The following NECTIN3 variants were observed in gnomAD, a reference collection of about 807,000 sequenced individuals.
The protein encoded by NECTIN3 is nectin-3.
Under a neutral mutation model 49.4 loss-of-function variants are expected in NECTIN3, and 8 were observed. The observed-to-expected ratio is 0.16, with a 90% CI of 0.10 to 0.29. The LOEUF is 0.29. Among genes scored for constraint, NECTIN3 ranks in the 10% least tolerant of loss-of-function variants. The pLI is 1.00. For synonymous variants in NECTIN3, 277 were observed against 241.1 expected (o/e 1.15, Z -1.38); for missense variants, 581 against 654.6 (o/e 0.89, Z 1.23).
intron 7 of NECTIN3, among the ~76,000 whole-genome samples, chr3:111,180,581 TATTA>T (rs915632542): frequency 1.3e-5 from 2 of 152,200 alleles, no homozygotes; most frequent in African/African-American, 2.4e-5. Context: ...AATAATATTA[TATTA>T]ATTCTTTTAG....
intron 7 of NECTIN3, among the ~76,000 whole-genome samples, chr3:111,173,728 T>C (rs1418118403): frequency 6.6e-6 from 1 of 152,192 alleles, no homozygotes; most frequent in African/African-American, 2.4e-5. Flanking sequence ...CGGCTATCCT[T>C]TCATAGACAA....
At chr3:111,098,828 C>CTT (rs1487809347) in intron 1 of NECTIN3, among the ~76,000 whole-genome samples, 3 of 151,892 alleles carry the variant, frequency 2.0e-5, no homozygotes, top group South Asian at 4.1e-4. Context: ...CCTGACTACA[C>CTT]TTTAAGTTTC....
rs369642898 is a variant in NECTIN3 at position 111,135,220 on chromosome 3, T to C, written c.*1005T>C. On this transcript the variant is annotated 3_prime_UTR_variant, in exon 6 of 6. Transcript: ENST00000485303. ...AATGGGTAAATGTACAGAAAGAAAA[T>C]TTTAGAGTAAACTTGGAACTTTGGA... is the stretch of plus-strand genomic sequence containing the variant. The C allele has an allele frequency of 3.1e-6, 3 of 974,346 alleles. No homozygotes were observed. The East Asian group carries it at 3.4e-4, about 112-fold the overall frequency. 60.4% of individuals were successfully genotyped at this position (974,346 alleles called of 1,614,324 possible). A position where few individuals can be genotyped will look rare whatever the true frequency, so the allele number is the denominator to read the frequency against.
In NECTIN3 at chr3:111,122,224, A is replaced by C; in HGVS notation, c.903A>C (p.Lys301Asn). The change falls in exon 4 of 6, where the codon AAA (lysine) becomes AAC (asparagine). Residue 301 changes from lysine to asparagine, a missense_variant. This residue lies in a region of NECTIN3 where 234 missense variants were observed against 340.6 expected (regional missense o/e 0.69). Transcript: ENST00000485303. ...CTGATGCAAATCCACCACCCTTCAA[A>C]TCTGTGTGGAGCAGGTAATGTTATA... ...CNADANPPPF[K>N]SVWSRLDGQW... is the part of the protein sequence containing the mutation. 6.2e-7 allele frequency: 1 copy of C among 1,608,244 alleles called. No individual in the cohort carries two copies. The highest frequency in any genetic ancestry group is 1.1e-5 in the South Asian group (1 of 90,888).
chr3:111,114,265 A>T (rs565356673), intron 2 of NECTIN3, among the ~76,000 whole-genome samples: 1 of 151,894 alleles, frequency 6.6e-6, no homozygotes, highest in Non-Finnish European at 1.5e-5. Context: ...CTATGCTTTT[A>T]TGGGTGTTTC....
At chr3:111,094,977 T>TA (rs1269375149) in intron 1 of NECTIN3, among the ~76,000 whole-genome samples, 2 of 152,306 alleles carry the variant, frequency 1.3e-5, no homozygotes, top group African/African-American at 4.8e-5. Flanking sequence ...GGATAGCAGT[T>TA]ATGATTGCTA....
At position 111,133,864 on chromosome 3, in the gene NECTIN3, G is replaced by A. The variant is rs1166039845; in HGVS notation, c.1299G>A (p.Thr433=). 5 of 1,613,914 alleles carry A rather than the reference G, an allele frequency of 3.1e-6. No individual in the cohort carries two copies. The highest frequency in any genetic ancestry group is 1.1e-5 in the South Asian group (1 of 91,082). ...TATTCTGCTATAGGAGAAGACGGAC[G>A]TTTCGTGGAGACTACTTTGCCAAGA... ...AGIFCYRRRR[T]FRGDYFAKNY... is the part of the protein sequence containing the mutation. The change falls in exon 6 of 6, where the codon ACG becomes ACA. Residue 433 remains threonine, a synonymous_variant. Transcript: ENST00000485303.
chr3:111,096,402 G>T (rs1204810157), intron 1 of NECTIN3, among the ~76,000 whole-genome samples: 1 of 152,224 alleles, frequency 6.6e-6, no homozygotes, highest in Non-Finnish European at 1.5e-5. Context: ...AAAATTTGCA[G>T]CTTGACAATG....
chr3:111,169,284 G>T (rs1377177045), intron 7 of NECTIN3, among the ~76,000 whole-genome samples: 1 of 150,136 alleles, frequency 6.7e-6, no homozygotes, highest in Non-Finnish European at 1.5e-5. Context: ...TAGAGACGGG[G>T]TTTCACCATG....
intron 7 of NECTIN3, among the ~76,000 whole-genome samples, chr3:111,179,384 C>T (rs1351429479): frequency 6.6e-6 from 1 of 152,180 alleles, no homozygotes; most frequent in East Asian, 1.9e-4. Context: ...CTGTGGGGAC[C>T]TCTGACTAAA....
At chr3:111,177,850 A>G (rs909028936) in intron 7 of NECTIN3, among the ~76,000 whole-genome samples, 1 of 152,234 alleles carries the variant, frequency 6.6e-6, no homozygotes, top group Non-Finnish European at 1.5e-5. Context: ...TTTATGATTA[A>G]GAGCATCTTG....
At position 111,112,012 on chromosome 3, in the gene NECTIN3, C is replaced by CT. The variant is rs759946811; in HGVS notation, c.161-10dup. 38 of 1,544,926 alleles carry CT rather than the reference C, an allele frequency of 2.5e-5. No individual in the cohort carries two copies. Among genetic ancestry groups the CT allele is most frequent in the Non-Finnish European group, 2.9e-5 (33 of 1,142,808 alleles). On this transcript the variant is annotated splice_polypyrimidine_tract_variant and intron_variant, in intron 1 of 5. Transcript: ENST00000485303. ...TTTTTCTATTTTAAAAATTGTAGTA[C>CT]TTTTTTTTCCTCCATAGGTGCCTTA...
intron 7 of NECTIN3, among the ~76,000 whole-genome samples, chr3:111,157,981 G>T (rs1353726521): frequency 1.3e-5 from 2 of 151,966 alleles, no homozygotes; most frequent in African/African-American, 4.8e-5. Flanking sequence ...AGATGTTTTT[G>T]AATTTCATTT....
chr3:111,076,845 G>A (rs775143411), intron 1 of NECTIN3, among the ~76,000 whole-genome samples: 104 of 151,822 alleles, frequency 6.9e-4, no homozygotes, highest in Non-Finnish European at 1.2e-3. Context: ...CATGGTGGCA[G>A]GAGCCTGTAA....
chr3:111,121,001 C>CTT (rs397954033), intron 3 of NECTIN3, among the ~76,000 whole-genome samples: 48 of 129,534 alleles, frequency 3.7e-4, no homozygotes, highest in East Asian at 3.0e-3. Context: ...TTATTTCTTT[C>CTT]TTTTTTTTTT....
At chr3:111,109,472 A>G (rs2033361905) in intron 1 of NECTIN3, among the ~76,000 whole-genome samples, 1 of 152,092 alleles carries the variant, frequency 6.6e-6, no homozygotes, top group African/African-American at 2.4e-5. Flanking sequence ...ACATATGTAC[A>G]GGCAATAATT....
At chr3:111,099,500 C>G (rs2032778348) in intron 1 of NECTIN3, among the ~76,000 whole-genome samples, 2 of 152,172 alleles carry the variant, frequency 1.3e-5, no homozygotes, top group Admixed American at 1.3e-4. Flanking sequence ...TGTAGCTATA[C>G]AATCTTCTGT....
intron 7 of NECTIN3, among the ~76,000 whole-genome samples, chr3:111,175,468 C>T (rs545114691): frequency 1.7e-4 from 26 of 151,900 alleles, no homozygotes; most frequent in African/African-American, 5.8e-4. Flanking sequence ...CAAATTGCCT[C>T]GCTTTGTTGT....
downstream of NECTIN3, among the ~76,000 whole-genome samples, chr3:111,140,047 A>G (rs2034703164): frequency 6.6e-6 from 1 of 151,808 alleles, no homozygotes; most frequent in African/African-American, 2.4e-5. Context: ...TCAGTGATTG[A>G]AAGGTCTGAT....
Sources: allele counts gnomAD v4.1 joint callset (sites outside exome capture counted in the v4.1 genomes callset), GRCh38; gene constraint gnomAD v4.1.1; regional missense constraint gnomAD v4.1.1; transcripts MANE v1.5; gene names NCBI Gene and HGNC (gene_info 2026-07-23, HGNC 2026-07-21).